The following COL4A6 variants were observed in gnomAD, a reference collection of about 807,000 sequenced individuals.
COL4A6 encodes the protein collagen alpha-6(IV) chain.
A neutral mutation model predicts 126.7 loss-of-function variants in COL4A6; 59 were observed. The ratio of observed to expected loss-of-function variants is 0.47; its 90% CI spans 0.38 to 0.58. The LOEUF (loss-of-function observed/expected upper bound fraction) is 0.58, where lower values mean the gene tolerates loss of function less well. Ranked by LOEUF, COL4A6 falls within the 20% of genes least tolerant of loss-of-function variation. The pLI is 0.00. For missense variants in COL4A6, 1,285 were observed against 1,337.3 expected (o/e 0.96, Z 0.61); for synonymous variants, 547 against 496.6 (o/e 1.10, Z -1.35).
chrX:108,256,761 A>C (rs1485532698), intron 3 of COL4A6, among the ~76,000 whole-genome samples: 1 of 111,040 alleles, frequency 9.0e-6, no homozygotes, highest in East Asian at 2.8e-4. Context: ...TTGTTTTCCA[A>C]GCCCAGCAGG....
intron 2 of COL4A6, among the ~76,000 whole-genome samples, chrX:108,401,263 ATAAG>A (rs2081485649): frequency 9.0e-6 from 1 of 110,983 alleles, no homozygotes; most frequent in Admixed American, 9.6e-5. Context: ...CCTAAGGAAA[ATAAG>A]TAAGTATAAA....
At chrX:108,323,575 C>T (rs915700670) in intron 2 of COL4A6, among the ~76,000 whole-genome samples, 8 of 111,848 alleles carry the variant, frequency 7.2e-5, no homozygotes, top group African/African-American at 2.6e-4. Context: ...CCCCTCTAGT[C>T]ATAGAAGTCT....
At chrX:108,196,445 C>A in intron 14 of COL4A6, 66 bp downstream of exon 14, 3 of 1,046,089 alleles carry the variant, frequency 2.9e-6, no homozygotes, top group South Asian at 4.0e-5. Context: ...CATAAAGAAG[C>A]AAACAGGAAA....
rs1157281281 is a variant in COL4A6, at chrX:108,164,616, C to G, written c.4053G>C (p.Gly1351=). The change falls in exon 40 of 45, where the codon GGG becomes GGC. Residue 1351 remains glycine, a synonymous_variant. Transcript: ENST00000334504. ...PGDPGFPGMK[G]KAGPRGSSGL... is the part of the protein sequence containing the mutation. ...TCAACTTACCTCTTGGCCCTGCCTT[C>G]CCCTTCATTCCGGGAAATCCTGGGT... 8.3e-7 allele frequency: 1 copy of G among 1,211,653 alleles called. No individual in the cohort carries two copies.
chrX:108,168,296 C>T (rs921257783), intron 37 of COL4A6, among the ~76,000 whole-genome samples: 4 of 112,204 alleles, frequency 3.6e-5, no homozygotes, highest in African/African-American at 1.3e-4. Context: ...GGCTCGGACC[C>T]TGCTTTGAGC....
intron 22 of COL4A6, 62 bp downstream of exon 22, chrX:108,187,786 C>A (rs950363259): frequency 1.9e-6 from 2 of 1,060,908 alleles, no homozygotes; most frequent in African/African-American, 3.7e-5. Flanking sequence ...GGCCATCAGA[C>A]CCCCCAACAA....
At chrX:108,338,533 A>G (rs1376060865) in intron 2 of COL4A6, among the ~76,000 whole-genome samples, 4 of 112,010 alleles carry the variant, frequency 3.6e-5, no homozygotes, top group African/African-American at 1.3e-4. Flanking sequence ...AAAGCATCAG[A>G]TTTCTGGGAT....
intron 3 of COL4A6, among the ~76,000 whole-genome samples, chrX:108,277,339 C>A (rs2037638952): frequency 8.9e-6 from 1 of 111,964 alleles, no homozygotes; most frequent in Admixed American, 9.4e-5. Flanking sequence ...GAGATTATAT[C>A]CCGCACATGG....
chrX:108,339,508 C>T (rs111982885), intron 2 of COL4A6, among the ~76,000 whole-genome samples: 135 of 111,645 alleles, frequency 1.2e-3, no homozygotes, highest in African/African-American at 4.0e-3. Flanking sequence ...CCCTCCCAAA[C>T]TTTGATAGCT....
chrX:108,307,911 T>G (rs1023051102), intron 3 of COL4A6, among the ~76,000 whole-genome samples: 2 of 112,042 alleles, frequency 1.8e-5, no homozygotes, highest in African/African-American at 6.5e-5. Context: ...GTTTTCTGCA[T>G]GAGCATCGGT....
intron 23 of COL4A6, among the ~76,000 whole-genome samples, chrX:108,184,444 T>G (rs766200764): frequency 9.0e-6 from 1 of 111,707 alleles, no homozygotes; most frequent in African/African-American, 3.3e-5. Context: ...GTTGTTAGGA[T>G]GGATTAATCT....
chrX:108,400,711 T>A (rs1331888960), intron 2 of COL4A6, among the ~76,000 whole-genome samples: 3 of 111,760 alleles, frequency 2.7e-5, no homozygotes, highest in Non-Finnish European at 5.7e-5. Flanking sequence ...TGTGTATGAA[T>A]GTGTATGTGT....
intron 3 of COL4A6, among the ~76,000 whole-genome samples, chrX:108,249,845 A>C (rs2036808740): frequency 8.9e-6 from 1 of 111,871 alleles, no homozygotes; most frequent in African/African-American, 3.3e-5. Flanking sequence ...TCTGCCTTCC[A>C]CAACATCCAC....
chrX:108,385,882 C>T (rs771174467), intron 2 of COL4A6, among the ~76,000 whole-genome samples: 6 of 108,720 alleles, frequency 5.5e-5, no homozygotes, highest in Admixed American at 2.0e-4. Context: ...CCTACCCCCC[C>T]AAAAGGCCCC....
chrX:108,191,382 G>C lies in COL4A6; in HGVS notation c.1321+11C>G. 1 of 1,207,383 alleles carries C rather than the reference G, an allele frequency of 8.3e-7. No homozygotes were observed. ...GAATCTTGAGACCAAAAAGAGAAAT[G>C]AGTAACTTACTAGGTGGGCCTGGTG... On this transcript the variant is annotated intron_variant, in intron 19 of 44. Coordinates refer to ENST00000334504, the MANE Select transcript of COL4A6 (RefSeq NM_033641.4).
Position 108,197,772 on chromosome X carries a change from AGT to A in COL4A6, c.835-1195_835-1194del, listed in dbSNP as rs57928875. Among the ~76,000 whole-genome samples, 797 of 87,197 alleles carry A rather than the reference AGT, an allele frequency of 9.1e-3. 7 individuals carry two copies. Among genetic ancestry groups the A allele is most frequent in the African/African-American group, 0.025 (604 of 23,935 alleles). 75.7% of individuals were successfully genotyped at this position (87,197 alleles called of 115,157 possible). A position where few individuals can be genotyped will look rare whatever the true frequency, so the allele number is the denominator to read the frequency against. Reference sequence around the variant, plus strand: ...TTTTCATTGTCTTTTTATTGGGAGGAGTGTGTGTGTGTGTGTGTGTGTGTGTG... The same window carrying A: ...TTTTCATTGTCTTTTTATTGGGAGGAGTGTGTGTGTGTGTGTGTGTGTGTG... On this transcript the variant is annotated intron_variant, in intron 13 of 44. Transcript: ENST00000334504.
chrX:108,326,415 A>G (rs1414369310), intron 2 of COL4A6, among the ~76,000 whole-genome samples: 2 of 100,228 alleles, frequency 2.0e-5, no homozygotes, highest in Non-Finnish European at 3.8e-5. Context: ...TATCTTTATG[A>G]TATCAATTTT....
upstream of COL4A6, among the ~76,000 whole-genome samples, chrX:108,438,882 T>C (rs922835401): frequency 2.7e-5 from 3 of 112,603 alleles, no homozygotes; most frequent in Non-Finnish European, 3.8e-5. Context: ...AAGTGGTTAA[T>C]TCTAGGAAGA....
chrX:108,342,295 G>A (rs758057398), intron 2 of COL4A6, among the ~76,000 whole-genome samples: 1 of 112,328 alleles, frequency 8.9e-6, no homozygotes, highest in Admixed American at 9.4e-5. Context: ...ACTTGTTCAT[G>A]TGACCATCAG....
Sources: allele counts gnomAD v4.1 joint callset (sites outside exome capture counted in the v4.1 genomes callset), GRCh38; gene constraint gnomAD v4.1.1; transcripts MANE v1.5; gene names NCBI Gene and HGNC (gene_info 2026-07-23, HGNC 2026-07-21).